Variants in FBXL5 observed in about 807,000 individuals in gnomAD.
The protein encoded by FBXL5 is F-box and leucine rich repeat protein 5.
A neutral mutation model predicts 78.3 loss-of-function variants in FBXL5; 26 were observed. That is an observed-to-expected ratio of 0.33 (90% CI 0.24 to 0.46). The LOEUF is 0.46. Ranked by LOEUF, FBXL5 falls within the 20% of genes least tolerant of loss-of-function variation. FBXL5 has a pLI of 1.00. For missense variants in FBXL5, 710 were observed against 829.2 expected, an observed-to-expected ratio of 0.86 and a Z score of 1.77; for synonymous variants, 295 against 282.5, an observed-to-expected ratio of 1.04 and a Z score of -0.45.
intron 5 of FBXL5, among the ~76,000 whole-genome samples, chr4:15,633,502 T>C (rs143202959): frequency 2.6e-3 from 398 of 152,322 alleles, no homozygotes; most frequent in Middle Eastern, 0.02. Context: ...GAAAGATTAA[T>C]GTAAAGCTAA....
Position 15,605,566 on chromosome 4 carries a change from T to A in FBXL5, c.*157A>T, listed in dbSNP as rs1479195984. On this transcript the variant is annotated 3_prime_UTR_variant, in exon 11 of 11. Coordinates refer to ENST00000341285, the MANE Select transcript of FBXL5 (RefSeq NM_012161.4). ...TTTGCAAGAGAAACAACATTACAAT[T>A]CACTGGTAAATTAAGATTTCTGAAG... is the stretch of plus-strand genomic sequence containing the variant. The A allele has an allele frequency of 9.8e-6, 6 of 613,602 alleles. No homozygotes were observed. Among genetic ancestry groups the A allele is most frequent in the African/African-American group, 1.8e-5 (1 of 54,144 alleles). The allele number at this position is 613,602 out of a possible 1,614,324, so 38.0% of individuals were successfully genotyped here. A position where few individuals can be genotyped will look rare whatever the true frequency, so the allele number is the denominator to read the frequency against.
At chr4:15,617,024 A>T (rs1246164875) in intron 9 of FBXL5, among the ~76,000 whole-genome samples, 1 of 152,196 alleles carries the variant, frequency 6.6e-6, no homozygotes, top group Non-Finnish European at 1.5e-5. Flanking sequence ...CACTGTTGGG[A>T]GTGTAAATTA....
chr4:15,634,312 T>G (rs1228261654), intron 5 of FBXL5, among the ~76,000 whole-genome samples: 2 of 151,610 alleles, frequency 1.3e-5, no homozygotes, highest in Non-Finnish European at 2.9e-5. Context: ...CCTCAGCCTC[T>G]CAAGTAACTG....
chr4:15,626,989 G>GA, intron 7 of FBXL5, 34 bp from the exon 8 acceptor site: 1 of 1,428,072 alleles, frequency 7.0e-7, no homozygotes, highest in East Asian at 2.3e-5. Flanking sequence ...GTAAAGATCT[G>GA]CAGAACTTCA....
chr4:15,678,347 T>G (rs1338721159), intron 1 of FBXL5, among the ~76,000 whole-genome samples: 1 of 152,210 alleles, frequency 6.6e-6, no homozygotes, highest in Non-Finnish European at 1.5e-5. Context: ...TACTCAGAAT[T>G]TGGCACATCA....
At position 15,644,493 on chromosome 4, in the gene FBXL5, C is replaced by G. The variant is rs141939941; in HGVS notation, c.300G>C (p.Lys100Asn). ...SLFEKGLKNV[K>N]NEYEQLNYAK... is the part of the protein sequence containing the mutation. The stretch of plus-strand genomic sequence containing the variant: ...TTGAATATCCATTTTTGCAACTTAC[C>G]TTAACATTCTTCAGTCCCTTTTCAA... The change falls in exon 2 of 11, where the codon AAG becomes AAC. Residue 100 changes from lysine to asparagine, a missense_variant and splice_region_variant. This residue lies in a region of FBXL5 where 132 missense variants were observed against 156.9 expected (regional missense o/e 0.84). Transcript: ENST00000341285. 5.0e-6 allele frequency: 8 copies of G among 1,605,308 alleles called. No homozygotes were observed. Among genetic ancestry groups the G allele is most frequent in the Non-Finnish European group, 6.8e-6 (8 of 1,173,102 alleles).
At chr4:15,661,940 A>G (rs1248119067), upstream of FBXL5, among the ~76,000 whole-genome samples, 1 of 152,240 alleles carries the variant, frequency 6.6e-6, no homozygotes, top group Non-Finnish European at 1.5e-5. Flanking sequence ...TAAGGACCTC[A>G]GGTCCTCACC....
At chr4:15,675,827 C>T (rs1361364191) in intron 1 of FBXL5, among the ~76,000 whole-genome samples, 1 of 152,076 alleles carries the variant, frequency 6.6e-6, no homozygotes, top group African/African-American at 2.4e-5. Flanking sequence ...AGATGATCCG[C>T]CTGCCTCGGC....
chr4:15,611,530 T>C (rs1206807099), intron 10 of FBXL5, among the ~76,000 whole-genome samples: 10 of 152,126 alleles, frequency 6.6e-5, no homozygotes, highest in Non-Finnish European at 1.0e-4. Context: ...TTTTTATGCT[T>C]CTGGGAAATT....
chr4:15,648,762 A>C (rs1715627724), intron 1 of FBXL5, among the ~76,000 whole-genome samples: 2 of 152,214 alleles, frequency 1.3e-5, no homozygotes, highest in African/African-American at 4.8e-5. Flanking sequence ...TTCAGTTCTA[A>C]GATGAGTACG....
chr4:15,681,199 G>A (rs1352402731), intron 1 of FBXL5: 1 of 152,104 alleles, frequency 6.6e-6, no homozygotes, highest in African/African-American at 2.4e-5. Context: ...AACACAATGC[G>A]ATTCTCTAAA....
At chr4:15,670,565 T>G (rs1577516314) in intron 1 of FBXL5, among the ~76,000 whole-genome samples, 1 of 152,196 alleles carries the variant, frequency 6.6e-6, no homozygotes, top group East Asian at 1.9e-4. Flanking sequence ...AACCTTTAGC[T>G]TTTAACTGGG....
At chr4:15,661,623 AG>A (rs1164695131), upstream of FBXL5, among the ~76,000 whole-genome samples, 6 of 152,236 alleles carry the variant, frequency 3.9e-5, no homozygotes, top group African/African-American at 1.4e-4. Flanking sequence ...GCCTTAAGCA[AG>A]ATGGGGTCTT....
At position 15,653,073 on chromosome 4, in the gene FBXL5, T is replaced by C. The variant is rs770203933; in HGVS notation, c.84+2131A>G. Among the ~76,000 whole-genome samples the C allele has an allele frequency of 7.2e-5, 11 of 152,306 alleles. No homozygotes were observed. In the East Asian group the frequency reaches 1.3e-3, roughly 19 times the overall value. On this transcript the variant is annotated intron_variant, in intron 1 of 10. Transcript: ENST00000341285. ...GAGAGATTTCCATTGGCTATCAGTA[T>C]CAAGAAGAAATCCAGATGTAAAATT...
intron 2 of FBXL5, among the ~76,000 whole-genome samples, chr4:15,644,031 G>A (rs968285465): frequency 2.6e-4 from 40 of 152,088 alleles, no homozygotes; most frequent in Non-Finnish European, 5.1e-4. Context: ...GTTCTTGTTC[G>A]GCTTAGTCCA....
At chr4:15,614,604 T>A (rs1377711553) in intron 9 of FBXL5, among the ~76,000 whole-genome samples, 5 of 152,184 alleles carry the variant, frequency 3.3e-5, no homozygotes, top group Non-Finnish European at 7.4e-5. Flanking sequence ...GGGTTATTCA[T>A]GTCTGAGCTC....
At chr4:15,615,505 G>T (rs1177906054) in intron 9 of FBXL5, among the ~76,000 whole-genome samples, 1 of 150,232 alleles carries the variant, frequency 6.7e-6, no homozygotes, top group Admixed American at 6.7e-5. Context: ...AGCTGCTCTG[G>T]TGGGGCCTTG....
chr4:15,645,370 AG>A (rs1715249803), intron 1 of FBXL5, among the ~76,000 whole-genome samples: 1 of 152,192 alleles, frequency 6.6e-6, no homozygotes, highest in Non-Finnish European at 1.5e-5. Flanking sequence ...CACATTCTCT[AG>A]GATGGGATAC....
intron 1 of FBXL5, among the ~76,000 whole-genome samples, chr4:15,673,397 C>T (rs1400485064): frequency 5.9e-5 from 9 of 152,028 alleles, no homozygotes; most frequent in African/African-American, 2.2e-4. Context: ...GCCAAGATTG[C>T]ACTACTCTAC....
Sources: allele counts gnomAD v4.1 joint callset (sites outside exome capture counted in the v4.1 genomes callset), GRCh38; gene constraint gnomAD v4.1.1; regional missense constraint gnomAD v4.1.1; transcripts MANE v1.5; gene names NCBI Gene and HGNC (gene_info 2026-07-23, HGNC 2026-07-21).